The following FCHO2 variants were observed in gnomAD, a reference collection of about 807,000 sequenced individuals.
FCHO2 encodes the protein F-BAR domain only protein 2.
Under a neutral mutation model 114.1 loss-of-function variants are expected in FCHO2, and 43 were observed. The observed-to-expected ratio is 0.38, with a 90% confidence interval of 0.30 to 0.49. FCHO2 has a LOEUF of 0.49. Ranked by LOEUF, FCHO2 falls within the 20% of genes least tolerant of loss-of-function variation. The pLI, the probability that FCHO2 is intolerant of heterozygous loss-of-function variation, is 0.97. For synonymous variants in FCHO2, 293 were observed against 315.2 expected, an observed-to-expected ratio of 0.93 and a Z score of 0.75; for missense variants, 807 against 950.4, an observed-to-expected ratio of 0.85 and a Z score of 1.98.
chr5:73,068,819 C>A lies in FCHO2; in HGVS notation c.1579+40C>A, dbSNP rs188415141. On this transcript the variant is annotated intron_variant, in intron 19 of 25. Coordinates refer to ENST00000430046, the MANE Select transcript of FCHO2 (RefSeq NM_138782.3). ...TCAATTACATGTGAAATGTAGTGTACAAAGTATATGTATGCTAAATATGTA... is the reference window on the plus strand; with the variant it reads ...TCAATTACATGTGAAATGTAGTGTAAAAAGTATATGTATGCTAAATATGTA... The A allele has an allele frequency of 4.6e-5, 74 of 1,593,258 alleles. No homozygotes were observed. The African/African-American group carries it at 8.9e-4, about 19-fold the overall frequency.
chr5:73,054,538 G>T lies in FCHO2; in HGVS notation c.1199G>T (p.Arg400Leu). The change falls in exon 15 of 26, where the codon CGG (arginine) becomes CTG (leucine). Residue 400 changes from arginine to leucine, a missense_variant. Transcript: ENST00000430046. Reference protein sequence around the residue: ...ISRHSPVQMNRNLSNEELTKS... With the variant: ...ISRHSPVQMNLNLSNEELTKS... Reference sequence around the variant, plus strand: ...TCTCTGTTTTAGGTACAGATGAATCGGAATTTGTCTAGTAAGTTTGACATT... The same window carrying T: ...TCTCTGTTTTAGGTACAGATGAATCTGAATTTGTCTAGTAAGTTTGACATT... 1 of 1,538,484 alleles carries T rather than the reference G, an allele frequency of 6.5e-7. No homozygotes were observed. Among genetic ancestry groups the T allele is most frequent in the Non-Finnish European group, 8.8e-7 (1 of 1,140,780 alleles).
At chr5:73,006,619 C>G (rs1754735615) in intron 6 of FCHO2, 70 bp downstream of exon 6, 1 of 1,070,996 alleles carries the variant, frequency 9.3e-7, no homozygotes, top group African/African-American at 1.7e-5. Context: ...ATTTTTCTCT[C>G]ATATAATTTT....
intron 1 of FCHO2, among the ~76,000 whole-genome samples, chr5:72,966,434 G>A (rs961145910): frequency 3.3e-5 from 5 of 152,120 alleles, no homozygotes; most frequent in Admixed American, 3.3e-4. Context: ...ACAGGCACAA[G>A]CCTCTGACAA....
chr5:73,003,920 C>T (rs12153669), intron 5 of FCHO2, among the ~76,000 whole-genome samples: 17,837 of 151,676 alleles, frequency 0.12, 1,266 homozygotes, highest in Non-Finnish European at 0.17. Context: ...TGGTGGCTTG[C>T]ACCTGTAATT....
intron 1 of FCHO2, among the ~76,000 whole-genome samples, chr5:72,956,821 C>T (rs970599921): frequency 1.3e-5 from 2 of 152,030 alleles, no homozygotes; most frequent in Admixed American, 1.3e-4. Context: ...CTTTCCACCC[C>T]TTGTCTTAGC....
At chr5:72,997,747 G>T in intron 5 of FCHO2, 1 of 1,407,378 alleles carries the variant, frequency 7.1e-7, no homozygotes, top group African/African-American at 1.4e-5. Context: ...GCCTGGGCAG[G>T]GTCTGCCCCT....
intron 22 of FCHO2, among the ~76,000 whole-genome samples, chr5:73,078,842 T>A (rs923551883): frequency 4.6e-5 from 7 of 152,182 alleles, no homozygotes; most frequent in Non-Finnish European, 1.0e-4. Context: ...AATACCAAAA[T>A]TAATAACTTT....
intron 2 of FCHO2, among the ~76,000 whole-genome samples, chr5:72,978,387 A>G (rs1341619985): frequency 6.6e-6 from 1 of 152,048 alleles, no homozygotes. Context: ...ATGGGAGTTC[A>G]CTCATGATTT....
intron 15 of FCHO2, 57 bp downstream of exon 15, chr5:73,054,606 T>C: frequency 2.3e-6 from 3 of 1,289,500 alleles, no homozygotes; most frequent in Non-Finnish European, 3.3e-6. Flanking sequence ...TAAGGCAATT[T>C]GTTAGTCTTT....
intron 5 of FCHO2, among the ~76,000 whole-genome samples, chr5:72,993,499 A>C (rs952040588): frequency 3.9e-5 from 6 of 152,186 alleles, no homozygotes; most frequent in African/African-American, 1.4e-4. Context: ...CTCATATTGA[A>C]AGTACATTAT....
chr5:72,980,321 T>C (rs1014626617), intron 2 of FCHO2, among the ~76,000 whole-genome samples: 9 of 152,220 alleles, frequency 5.9e-5, no homozygotes, highest in South Asian at 2.1e-4. Context: ...CTGTTTGTTA[T>C]GATTTCCGTT....
At chr5:73,075,691 AG>A (rs1262204484) in intron 20 of FCHO2, among the ~76,000 whole-genome samples, 1 of 152,160 alleles carries the variant, frequency 6.6e-6, no homozygotes, top group Non-Finnish European at 1.5e-5. Flanking sequence ...AGAGAAAGTT[AG>A]AAAATTAATT....
chr5:73,052,415 C>A lies in FCHO2; in HGVS notation c.1081C>A (p.Pro361Thr). ...AAAGAAGTATCGGATAGAAATTAAG[C>A]CTATGCATCCAAATAACTCACATCA... ...EPKKYRIEIKPMHPNNSHHTM... is the reference protein window; with the variant it reads ...EPKKYRIEIKTMHPNNSHHTM... The change falls in exon 13 of 26, where the codon CCT becomes ACT. Residue 361 changes from proline to threonine, a missense_variant. Coordinates refer to ENST00000430046, the MANE Select transcript of FCHO2 (RefSeq NM_138782.3). The A allele has an allele frequency of 6.2e-7, 1 of 1,604,478 alleles. No individual in the cohort carries two copies. Among genetic ancestry groups the A allele is most frequent in the South Asian group, 1.1e-5 (1 of 88,924 alleles).
chr5:72,980,599 CAAAG>C (rs991725698), intron 2 of FCHO2, among the ~76,000 whole-genome samples: 5 of 152,096 alleles, frequency 3.3e-5, no homozygotes, highest in Non-Finnish European at 7.3e-5. Flanking sequence ...TTGTAGGTCT[CAAAG>C]AACTTGCTTT....
At chr5:72,997,248 A>G (rs1754168992) in intron 5 of FCHO2, 5 of 1,165,596 alleles carry the variant, frequency 4.3e-6, no homozygotes, top group Non-Finnish European at 2.6e-6. Context: ...TAGAGGCCCC[A>G]TGTGGATTTC....
chr5:73,019,947 C>T (rs1261553715), intron 8 of FCHO2, among the ~76,000 whole-genome samples: 2 of 152,202 alleles, frequency 1.3e-5, no homozygotes, highest in Non-Finnish European at 2.9e-5. Context: ...GAAGACTTGT[C>T]TCCACACCTC....
chr5:73,018,612 T>C (rs183124451), intron 8 of FCHO2, among the ~76,000 whole-genome samples: 1 of 152,046 alleles, frequency 6.6e-6, no homozygotes, highest in African/African-American at 2.4e-5. Context: ...AACAGTTTGC[T>C]ATACAGCCAA....
chr5:73,075,818 GAGGCAAAATGCTAAGTTTGA>G (rs1475571405), intron 20 of FCHO2, among the ~76,000 whole-genome samples: 2 of 152,116 alleles, frequency 1.3e-5, no homozygotes, highest in African/African-American at 2.4e-5. Context: ...AGATTTGTTG[GAGGCAAAATGCTAAGTTTGA>G]AGTTTAAGAC....
In FCHO2 at chr5:73,088,135, A is replaced by C. The variant is rs772556773; in HGVS notation, c.*45A>C. The C allele has an allele frequency of 3.1e-6, 5 of 1,608,722 alleles. No homozygotes were observed. The highest frequency in any genetic ancestry group is 4.2e-6 in the Non-Finnish European group (5 of 1,177,072). On this transcript the variant is annotated 3_prime_UTR_variant, in exon 26 of 26. Transcript: ENST00000430046. ...TGGCTTCAGGGATTACAAACCTGCCATTCTGCATTATCTGTTCTTTCCAAA... is the reference window on the plus strand; with the variant it reads ...TGGCTTCAGGGATTACAAACCTGCCCTTCTGCATTATCTGTTCTTTCCAAA...
Sources: gnomAD v4.1 joint callset for allele counts (sites outside exome capture counted in the v4.1 genomes callset) on GRCh38, gnomAD v4.1.1 for gene constraint, MANE v1.5 for transcripts, NCBI Gene and HGNC (gene_info 2026-07-23, HGNC 2026-07-21) for gene names.